Variants in SLC26A4 observed in about 807,000 individuals in gnomAD.
SLC26A4 encodes solute carrier family 26 member 4, also known as pendrin.
In SLC26A4, 93 loss-of-function variants were observed where a neutral mutation model predicts 90.4. That is an observed-to-expected ratio of 1.03 (90% CI 0.87 to 1.22). The LOEUF is 1.22. Among genes scored for constraint, SLC26A4 ranks in the 50% most tolerant of loss-of-function variants. The pLI, the probability that SLC26A4 is intolerant of heterozygous loss-of-function variation, is 0.00. For missense variants in SLC26A4, 1,127 were observed against 946.2 expected (o/e 1.19, Z -2.51); for synonymous variants, 393 against 354.6 (o/e 1.11, Z -1.22).
intron 3 of SLC26A4, among the ~76,000 whole-genome samples, chr7:107,666,394 G>A (rs965476221): frequency 6.6e-6 from 1 of 151,988 alleles, no homozygotes; most frequent in African/African-American, 2.4e-5. Context: ...GCTAATTTTT[G>A]TATTTTTTGT....
intron 3 of SLC26A4, among the ~76,000 whole-genome samples, chr7:107,664,351 C>T (rs1790652896): frequency 6.6e-6 from 1 of 152,298 alleles, no homozygotes; most frequent in South Asian, 2.1e-4. Flanking sequence ...TGTGCCTCAG[C>T]CTTCTGAGTA....
intron 3 of SLC26A4, among the ~76,000 whole-genome samples, chr7:107,663,674 C>T (rs1790633695): frequency 6.6e-6 from 1 of 152,148 alleles, no homozygotes; most frequent in Non-Finnish European, 1.5e-5. Flanking sequence ...GCAGTGGCTT[C>T]TCAATTTTTT....
chr7:107,702,010 G>A lies in SLC26A4; in HGVS notation c.1987G>A (p.Gly663Arg), dbSNP rs1554361031. ...AATCCATAGCCTTGTGCTTGACTGTGGAGCTATATCTTTCCTGGACGTTGT... is the reference window on the plus strand; with the variant it reads ...AATCCATAGCCTTGTGCTTGACTGTAGAGCTATATCTTTCCTGGACGTTGT... ...VPIHSLVLDC[G>R]AISFLDVVGV... Residue 663 changes from glycine to arginine, a missense_variant, in exon 17 of 21, where the codon GGA becomes AGA. Transcript: ENST00000644269. The A allele has an allele frequency of 1.9e-6, 3 of 1,614,048 alleles. No homozygotes were observed. Among genetic ancestry groups the A allele is most frequent in the Non-Finnish European group, 1.7e-6 (2 of 1,179,944 alleles).
At chr7:107,691,998 G>A (rs997646304) in intron 10 of SLC26A4, 6 of 1,288,938 alleles carry the variant, frequency 4.7e-6, no homozygotes, top group African/African-American at 3.0e-5. Context: ...TTCAGCGGGT[G>A]CAGGCAAATC....
At chr7:107,663,910 C>A (rs1218737318) in intron 3 of SLC26A4, among the ~76,000 whole-genome samples, 1 of 152,170 alleles carries the variant, frequency 6.6e-6, no homozygotes, top group Non-Finnish European at 1.5e-5. Flanking sequence ...GTATCGACCT[C>A]CTGACCTCGT....
chr7:107,684,742 C>A (rs547306442), intron 8 of SLC26A4, among the ~76,000 whole-genome samples: 3 of 152,266 alleles, frequency 2.0e-5, no homozygotes, highest in African/African-American at 4.8e-5. Flanking sequence ...GATTCTTGCC[C>A]TCAAGGAAAC....
At chr7:107,665,054 G>A (rs1310009889) in intron 3 of SLC26A4, among the ~76,000 whole-genome samples, 1 of 152,120 alleles carries the variant, frequency 6.6e-6, no homozygotes, top group African/African-American at 2.4e-5. Flanking sequence ...CTTGCTAAGG[G>A]AGTGCAAATG....
intron 13 of SLC26A4, 103 bp downstream of exon 13, chr7:107,696,142 G>C: frequency 1.3e-6 from 1 of 789,344 alleles, no homozygotes; most frequent in Non-Finnish European, 2.3e-6. Context: ...TTTCGTTATA[G>C]TTACTGTATA....
chr7:107,683,125 A>G (rs1791291267), intron 6 of SLC26A4, 77 bp from the exon 7 acceptor site: 1 of 1,048,142 alleles, frequency 9.5e-7, no homozygotes, highest in Non-Finnish European at 1.4e-6. Context: ...ATGAGAATTG[A>G]TTGTGTGTGT....
intron 4 of SLC26A4, among the ~76,000 whole-genome samples, chr7:107,672,810 G>A (rs1449157642): frequency 2.0e-5 from 3 of 152,176 alleles, no homozygotes; most frequent in Non-Finnish European, 2.9e-5. Flanking sequence ...CTTATAATAA[G>A]TTTTCCTGCT....
chr7:107,670,104 A>G (rs940799186), intron 3 of SLC26A4, among the ~76,000 whole-genome samples: 2 of 134,398 alleles, frequency 1.5e-5, no homozygotes, highest in Non-Finnish European at 3.1e-5. Flanking sequence ...TATTCAAAAT[A>G]CCTCCAGATT....
intron 8 of SLC26A4, 83 bp downstream of exon 8, chr7:107,683,620 G>T: frequency 9.2e-7 from 1 of 1,084,978 alleles, no homozygotes. Context: ...TTTATTACAA[G>T]CTTCATTTCA....
intron 20 of SLC26A4, among the ~76,000 whole-genome samples, chr7:107,714,921 C>A (rs1792299861): frequency 6.6e-6 from 1 of 151,774 alleles, no homozygotes; most frequent in South Asian, 2.1e-4. Context: ...TAAATAAATC[C>A]AATTAAAGTG....
Position 107,661,695 on chromosome 7 carries a change from C to A in SLC26A4, c.54C>A (p.Cys18Ter), listed in dbSNP as rs1332549030. 6.4e-7 allele frequency: 1 copy of A among 1,572,920 alleles called. No individual in the cohort carries two copies. Among genetic ancestry groups the A allele is most frequent in the Non-Finnish European group, 8.6e-7 (1 of 1,163,436 alleles). The part of the protein sequence containing the change: ...SEPPQLPEYS[C>*]SYMVSRPVYS... ...CGCCGCAGCTCCCCGAGTACAGCTG[C>A]AGCTACATGGTGTCGCGGCCGGTCT... is the stretch of plus-strand genomic sequence containing the variant. The change falls in exon 2 of 21, where the codon TGC becomes TGA. Residue 18 changes from cysteine (C) to a stop codon, truncating the protein, a stop_gained. Transcript: ENST00000644269. LOFTEE classifies it high-confidence loss of function. This position sits in a 1 kb window ranked among gnomAD's most constrained non-coding sequence, Gnocchi z 5.1.
intron 14 of SLC26A4, among the ~76,000 whole-genome samples, chr7:107,699,476 T>C (rs2129317758): frequency 6.6e-6 from 1 of 152,318 alleles, no homozygotes; most frequent in Admixed American, 6.5e-5. Flanking sequence ...GTCAGTGGTA[T>C]GAACTTCAGG....
chr7:107,674,234 C>G lies in SLC26A4; in HGVS notation c.486C>G (p.Leu162=), dbSNP rs370020280. 5.0e-6 allele frequency: 8 copies of G among 1,613,918 alleles called. No homozygotes were observed. Among genetic ancestry groups the G allele is most frequent in the African/African-American group, 1.3e-5 (1 of 74,880 alleles). Residue 162 remains leucine (L), a synonymous_variant, in exon 5 of 21, where the codon CTC becomes CTG. Transcript: ENST00000644269. Reference sequence around the variant, plus strand: ...GCATGGCCCCCGACGAACACTTTCTCGTATCCAGCAGCAATGGAACTGTAT... The same window carrying G: ...GCATGGCCCCCGACGAACACTTTCTGGTATCCAGCAGCAATGGAACTGTAT... ...VLSMAPDEHF[L]VSSSNGTVLN... is the part of the protein sequence containing the mutation.
chr7:107,666,715 G>A (rs1165361363), intron 3 of SLC26A4, among the ~76,000 whole-genome samples: 2 of 152,210 alleles, frequency 1.3e-5, no homozygotes, highest in Non-Finnish European at 2.9e-5. Flanking sequence ...AAGAATTGTA[G>A]TGTGGATGAG....
chr7:107,708,053 A>G (rs7781747), intron 18 of SLC26A4, among the ~76,000 whole-genome samples: 3,790 of 152,292 alleles, frequency 0.025, 155 homozygotes, highest in African/African-American at 0.086. Context: ...GGAAGAGAAA[A>G]TCCTCTCACA....
chr7:107,663,867 T>C (rs1175247416), intron 3 of SLC26A4, among the ~76,000 whole-genome samples: 1 of 152,096 alleles, frequency 6.6e-6, no homozygotes, highest in Admixed American at 6.5e-5. Context: ...GTATTTTTAG[T>C]AGAGACGGGG....
Sources: gnomAD v4.1 joint callset for allele counts (sites outside exome capture counted in the v4.1 genomes callset) on GRCh38, gnomAD v4.1.1 for gene constraint, Gnocchi (gnomAD v3.1) non-coding constraint, MANE v1.5 for transcripts, NCBI Gene and HGNC (gene_info 2026-07-23, HGNC 2026-07-21) for gene names.